Variants in BTBD2 observed in about 807,000 individuals in gnomAD.
BTBD2 encodes the protein BTB/POZ domain-containing protein 2.
In BTBD2, 15 loss-of-function variants were observed where a neutral mutation model predicts 44.0. The observed-to-expected ratio is 0.34, with a 90% CI of 0.23 to 0.53. BTBD2 has a LOEUF of 0.53. Ranked by LOEUF, BTBD2 falls within the 20% of genes least tolerant of loss-of-function variation. BTBD2 has a pLI of 0.95. For missense variants in BTBD2, 657 were observed against 746.4 expected (o/e 0.88, Z 1.39); for synonymous variants, 443 against 335.9 (o/e 1.32, Z -3.49).
intron 1 of BTBD2, among the ~76,000 whole-genome samples, chr19:2,000,777 C>T (rs1008233462): frequency 2.0e-5 from 3 of 152,332 alleles, no homozygotes; most frequent in East Asian, 1.9e-4. Flanking sequence ...CAACTCCGAA[C>T]GGGGGAAACA....
rs557628777 is a variant in BTBD2, at chr19:1,999,157, C to T, written c.408-1694G>A. ...CGCGCCCCCCTAAACCCCGCAGGCC[C>T]TCAGCCCACCCGGTCCAGCCCAGGG... On this transcript the variant is annotated intron_variant, in intron 1 of 8. Coordinates refer to ENST00000255608, the MANE Select transcript of BTBD2 (RefSeq NM_017797.4). 6.6e-5 allele frequency among the ~76,000 whole-genome samples: 10 copies of T among 152,306 alleles called. No individual in the cohort carries two copies. In the East Asian group the frequency reaches 1.5e-3, roughly 24 times the overall value.
At position 1,987,798 on chromosome 19, in the gene BTBD2, A is replaced by G; in HGVS notation, c.989-106T>C. On this transcript the variant is annotated intron_variant, in intron 5 of 8. Transcript: ENST00000255608. Reference sequence around the variant, plus strand: ...CTAAGATGTCTGCGTCGGACTTTCAAGGTGCAGGGACCTGGGCAGCCCCTC... The same window carrying G: ...CTAAGATGTCTGCGTCGGACTTTCAGGGTGCAGGGACCTGGGCAGCCCCTC... The G allele has an allele frequency of 4.2e-6, 5 of 1,198,566 alleles. No individual in the cohort carries two copies. The South Asian group carries it at 7.7e-5, about 18-fold the overall frequency. The allele number at this position is 1,198,566 out of a possible 1,614,324, so 74.2% of individuals were successfully genotyped here.
At chr19:2,014,358 C>T (rs2016505135) in intron 1 of BTBD2, 1 of 147,562 alleles carries the variant, frequency 6.8e-6, no homozygotes, top group South Asian at 2.1e-4. Context: ...AATGGAGGAG[C>T]AGATAGGGGT....
intron 1 of BTBD2, among the ~76,000 whole-genome samples, chr19:1,997,970 T>C (rs928961303): frequency 2.0e-5 from 3 of 152,202 alleles, no homozygotes; most frequent in South Asian, 2.1e-4. Context: ...CACTCATTCA[T>C]TCATCCACAC....
chr19:1,999,312 G>A (rs1031962231), intron 1 of BTBD2, among the ~76,000 whole-genome samples: 8 of 152,210 alleles, frequency 5.3e-5, no homozygotes, highest in African/African-American at 1.7e-4. Context: ...TGCTAACTCC[G>A]TGAGTCAGGA....
chr19:2,013,135 C>T (rs189970955), intron 1 of BTBD2, among the ~76,000 whole-genome samples: 7 of 152,298 alleles, frequency 4.6e-5, no homozygotes, highest in Admixed American at 1.3e-4. Flanking sequence ...CAGGACCCCA[C>T]GAAAGGAGAC....
chr19:1,990,993 G>A, intron 3 of BTBD2, 171 bp from the exon 4 acceptor site: 1 of 604,656 alleles, frequency 1.7e-6, no homozygotes, highest in Non-Finnish European at 2.9e-6. Flanking sequence ...TGGGCCCAGA[G>A]ACTCCCCTGT....
At chr19:2,012,849 C>T (rs1449506354) in intron 1 of BTBD2, among the ~76,000 whole-genome samples, 1 of 152,164 alleles carries the variant, frequency 6.6e-6, no homozygotes, top group Admixed American at 6.5e-5. Context: ...CAGCCGGTGC[C>T]CGGGGCGCCC....
At chr19:2,004,549 G>A (rs1202293304) in intron 1 of BTBD2, among the ~76,000 whole-genome samples, 16 of 151,558 alleles carry the variant, frequency 1.1e-4, no homozygotes, top group Admixed American at 9.9e-4. Flanking sequence ...CGCCCGCCTC[G>A]GCCTCCCGAA....
Position 2,015,541 on chromosome 19 carries a change from G to GGGCGGCGGCGGCGGCGGCGGCGGCGGC in BTBD2, c.136_162dup (p.Ala46_Ala54dup), listed in dbSNP as rs533915623. On this transcript the variant is annotated inframe_insertion, in exon 1 of 9. Transcript: ENST00000255608. ...GGCGGGGCGGGCGGCGTCGGCCCAG[G>GGGCGGCGGCGGCGGCGGCGGCGGCGGC]GGCGGCGGCGGCGGCGGCGGCGGCG... 6.8e-6 allele frequency: 6 copies of GGGCGGCGGCGGCGGCGGCGGCGGCGGC among 882,360 alleles called. No individual in the cohort carries two copies. The highest frequency in any genetic ancestry group is 7.2e-5 in the Admixed American group (1 of 13,810). 54.7% of individuals were successfully genotyped at this position (882,360 alleles called of 1,614,324 possible). A position where few individuals can be genotyped will look rare whatever the true frequency, so the allele number is the denominator to read the frequency against.
intron 1 of BTBD2, among the ~76,000 whole-genome samples, chr19:2,010,246 C>T (rs531035349): frequency 6.6e-6 from 1 of 152,338 alleles, no homozygotes; most frequent in Admixed American, 6.5e-5. Context: ...TCAGTTCTCC[C>T]TTCAAGCCCC....
At chr19:1,989,784 G>A in intron 5 of BTBD2, 3 of 589,536 alleles carry the variant, frequency 5.1e-6, no homozygotes, top group Non-Finnish European at 9.1e-6. Flanking sequence ...AGACACGAGA[G>A]GCGGGGTCTG....
At chr19:2,004,494 T>G (rs2016369579) in intron 1 of BTBD2, among the ~76,000 whole-genome samples, 1 of 151,508 alleles carries the variant, frequency 6.6e-6, no homozygotes, top group Non-Finnish European at 1.5e-5. Context: ...ACGGGGTTTC[T>G]CCATGTTGTT....
At chr19:1,994,611 T>C (rs2145628713) in intron 2 of BTBD2, among the ~76,000 whole-genome samples, 1 of 151,872 alleles carries the variant, frequency 6.6e-6, no homozygotes, top group East Asian at 2.0e-4. Flanking sequence ...ATACAAAAAT[T>C]AGCCAGGCGT....
In BTBD2 at chr19:1,990,082, C is replaced by G. The variant is rs143346219; in HGVS notation, c.910G>C (p.Glu304Gln). Residue 304 changes from glutamate to glutamine, a missense_variant, in exon 5 of 9, where the codon GAG (glutamate) becomes CAG (glutamine). Glu to Gln is a conservative substitution (Grantham distance 29, BLOSUM62 2). This residue lies in a region of BTBD2 where 449 missense variants were observed against 510.9 expected (regional missense o/e 0.88). Coordinates refer to ENST00000255608, the MANE Select transcript of BTBD2 (RefSeq NM_017797.4). ...CQRQQLQVTP[E>Q]NRRKVLGKAL... is the part of the protein sequence containing the mutation. The stretch of plus-strand genomic sequence containing the variant: ...TTGCCCAGAACCTTCCGCCTGTTCT[C>G]TGGCGTCACCTGCAGCTGCTGCCGC... 2 of 1,613,210 alleles carry G rather than the reference C, an allele frequency of 1.2e-6. No homozygotes were observed. Among genetic ancestry groups the G allele is most frequent in the Non-Finnish European group, 1.7e-6 (2 of 1,180,032 alleles).
rs532636819 is a variant in BTBD2 at position 2,015,021 on chromosome 19, G to T, written c.407+276C>A. Among the ~76,000 whole-genome samples, 9 of 151,018 alleles carry T rather than the reference G, an allele frequency of 6.0e-5. No homozygotes were observed. The East Asian group carries it at 1.8e-3, about 30-fold the overall frequency. Reference sequence around the variant, plus strand: ...AGGGATGGAAGGGTGCAGGCCCCGGGGTGCAGGCCGGGTCGGTTTCAGGAC... The same window carrying T: ...AGGGATGGAAGGGTGCAGGCCCCGGTGTGCAGGCCGGGTCGGTTTCAGGAC... On this transcript the variant is annotated intron_variant, in intron 1 of 8. Coordinates refer to ENST00000255608, the MANE Select transcript of BTBD2 (RefSeq NM_017797.4).
At position 1,987,622 on chromosome 19, in the gene BTBD2, G is replaced by C. The variant is rs570327018; in HGVS notation, c.1059C>G (p.Pro353=). 1 of 1,612,532 alleles carries C rather than the reference G, an allele frequency of 6.2e-7. No individual in the cohort carries two copies. Among genetic ancestry groups the C allele is most frequent in the East Asian group, 2.2e-5 (1 of 44,862 alleles). The part of the protein sequence containing the change: ...VSLFLHFTVN[P]KPRVEFIDRP... ...GGTCAATGAACTCCACTCGTGGCTT[G>C]GGGTTGACGGTGAAGTGCAGGAAGA... Residue 353 remains proline (P), a synonymous_variant, in exon 6 of 9, where the codon CCC becomes CCG. Coordinates refer to ENST00000255608, the MANE Select transcript of BTBD2 (RefSeq NM_017797.4).
In BTBD2 at chr19:2,015,606, G is replaced by A. The variant is rs927206402; in HGVS notation, c.98C>T (p.Ala33Val). ...CGCGTTGCCGGGGGCCGGGGTGGCGGCGGCGTTGGCGCTGGGCCCGGGACT... is the reference window on the plus strand; with the variant it reads ...CGCGTTGCCGGGGGCCGGGGTGGCGACGGCGTTGGCGCTGGGCCCGGGACT... The part of the protein sequence containing the change: ...GGSPGPSANA[A>V]ATPAPGNAAA... Residue 33 changes from alanine to valine, a missense_variant, in exon 1 of 9, where the codon GCC becomes GTC. Coordinates refer to ENST00000255608, the MANE Select transcript of BTBD2 (RefSeq NM_017797.4). 1.0e-6 allele frequency: 1 copy of A among 973,236 alleles called. No homozygotes were observed. Among genetic ancestry groups the A allele is most frequent in the Non-Finnish European group, 1.2e-6 (1 of 824,990 alleles). The allele number at this position is 973,236 out of a possible 1,614,324, so 60.3% of individuals were successfully genotyped here. A position where few individuals can be genotyped will look rare whatever the true frequency, so the allele number is the denominator to read the frequency against.
At chr19:1,986,807 G>A (rs1434871073) in intron 8 of BTBD2, 23 bp downstream of exon 8, 4 of 1,590,630 alleles carry the variant, frequency 2.5e-6, no homozygotes, top group South Asian at 2.3e-5. Context: ...CCCACGGAGG[G>A]ACCCCTGTCC....
Sources: allele counts gnomAD v4.1 joint callset (sites outside exome capture counted in the v4.1 genomes callset), GRCh38; gene constraint gnomAD v4.1.1; regional missense constraint gnomAD v4.1.1; transcripts MANE v1.5; gene names NCBI Gene and HGNC (gene_info 2026-07-23, HGNC 2026-07-21).